The following PCDHGA2 variants were observed in gnomAD, a reference collection of about 807,000 sequenced individuals.
The protein encoded by PCDHGA2 is protocadherin gamma subfamily A, 2.
In PCDHGA2, 40 loss-of-function variants were observed where a neutral mutation model predicts 59.2. The ratio of observed to expected loss-of-function variants is 0.68; its 90% CI spans 0.52 to 0.88. The LOEUF (loss-of-function observed/expected upper bound fraction) is 0.88, where lower values mean the gene tolerates loss of function less well. Ranked by LOEUF, PCDHGA2 falls within the 40% of genes least tolerant of loss-of-function variation. The pLI is 0.00. For synonymous variants in PCDHGA2, 560 were observed against 526.0 expected (o/e 1.06, Z -0.89); for missense variants, 1,226 against 1,204.0 (o/e 1.02, Z -0.27).
At chr5:141,492,189 G>C (rs2099737936) in intron 1 of PCDHGA2, among the ~76,000 whole-genome samples, 1 of 152,204 alleles carries the variant, frequency 6.6e-6, no homozygotes, top group Non-Finnish European at 1.5e-5. Context: ...GCACCTGTCT[G>C]CGGGACTTAG....
In PCDHGA2 at chr5:141,490,275, C is replaced by A; in HGVS notation, c.2425-4532C>A. 6.2e-7 allele frequency: 1 copy of A among 1,614,238 alleles called. No individual in the cohort carries two copies. The highest frequency in any genetic ancestry group is 8.5e-7 in the Non-Finnish European group (1 of 1,180,044). On this transcript the variant is annotated intron_variant, in intron 1 of 3. Transcript: ENST00000394576. The surrounding 1 kb of genome is among the most constrained non-coding windows in gnomAD (Gnocchi z 5.4). Reference sequence around the variant, plus strand: ...AAGTGGATGTGGGGGATGTCAATGACAATGCCCCAGAGGTGCTATTGGCCT... The same window carrying A: ...AAGTGGATGTGGGGGATGTCAATGAAAATGCCCCAGAGGTGCTATTGGCCT...
At chr5:141,506,668 C>A (rs2099855518) in intron 3 of PCDHGA2, among the ~76,000 whole-genome samples, 1 of 152,100 alleles carries the variant, frequency 6.6e-6, no homozygotes, top group Admixed American at 6.6e-5. Context: ...AGTAAGGGCA[C>A]AATATATTAT....
intron 1 of PCDHGA2, chr5:141,423,675 T>C: frequency 1.3e-6 from 2 of 1,540,488 alleles, no homozygotes; most frequent in Non-Finnish European, 1.7e-6. Flanking sequence ...GATTTATTTC[T>C]CTGCCTCCTA....
In PCDHGA2 at chr5:141,489,129, T is replaced by G; in HGVS notation, c.2425-5678T>G. On this transcript the variant is annotated intron_variant, in intron 1 of 3. Coordinates refer to ENST00000394576, the MANE Select transcript of PCDHGA2 (RefSeq NM_018915.4). This position sits in a 1 kb window ranked among gnomAD's most constrained non-coding sequence, Gnocchi z 4.5. ...AAGCAGGCAAACCTCCGAGCAGTTT[T>G]TAAGAGGCTGGAAGGAGACATAAGA... 1 of 761,976 alleles carries G rather than the reference T, an allele frequency of 1.3e-6. No homozygotes were observed. The highest frequency in any genetic ancestry group is 2.0e-6 in the Non-Finnish European group (1 of 490,014). The allele number at this position is 761,976 out of a possible 1,614,324, so 47.2% of individuals were successfully genotyped here.
rs545232987 is a variant in PCDHGA2 at position 141,484,750 on chromosome 5, G to GTA, written c.2425-10043_2425-10042dup. 2.3e-3 allele frequency among the ~76,000 whole-genome samples: 340 copies of GTA among 149,860 alleles called. 1 individual carries two copies. Among genetic ancestry groups the GTA allele is most frequent in the South Asian group, 1.0e-2 (47 of 4,704 alleles). On this transcript the variant is annotated intron_variant, in intron 1 of 3. Coordinates refer to ENST00000394576, the MANE Select transcript of PCDHGA2 (RefSeq NM_018915.4). ...CAGTCGGTGTGTTAGGAAAAAAAAT[G>GTA]TATATATATATATATGTTGTCTGCC...
intron 1 of PCDHGA2, chr5:141,387,869 G>A (rs772536133): frequency 6.3e-7 from 1 of 1,590,306 alleles, no homozygotes; most frequent in Non-Finnish European, 8.5e-7. Context: ...TGAGCAAGCT[G>A]AGGAGAGCAA....
chr5:141,487,068 T>C lies in PCDHGA2; in HGVS notation c.2425-7739T>C. ...TATGCTGGGGAGGTGCGGACGGCTG[T>C]TCCTATCCCAGCTGACCTCCCACCA... On this transcript the variant is annotated intron_variant, in intron 1 of 3. Transcript: ENST00000394576. The surrounding 1 kb of genome is among the most constrained non-coding windows in gnomAD (Gnocchi z 5.0). The C allele has an allele frequency of 6.2e-7, 1 of 1,614,166 alleles. No individual in the cohort carries two copies. The highest frequency in any genetic ancestry group is 8.5e-7 in the Non-Finnish European group (1 of 1,180,016).
intron 1 of PCDHGA2, chr5:141,366,887 A>T (rs1444897635): frequency 9.5e-6 from 12 of 1,269,488 alleles, no homozygotes; most frequent in Non-Finnish European, 1.3e-5. Flanking sequence ...AATTTTTTTT[A>T]TATAATTCAT....
Position 141,476,745 on chromosome 5 carries a change from T to C in PCDHGA2, c.2425-18062T>C, listed in dbSNP as rs1372622323. 6.2e-7 allele frequency: 1 copy of C among 1,613,958 alleles called. No individual in the cohort carries two copies. On this transcript the variant is annotated intron_variant, in intron 1 of 3. Coordinates refer to ENST00000394576, the MANE Select transcript of PCDHGA2 (RefSeq NM_018915.4). This position sits in a 1 kb window ranked among gnomAD's most constrained non-coding sequence, Gnocchi z 7.6. The stretch of plus-strand genomic sequence containing the variant: ...CTGGACCGAGAACGGGAGCCTAGTC[T>C]CCAGTTAGTGCTGACGGCGTTGGAC...
Position 141,415,739 on chromosome 5 carries a change from GGTTTT to G in PCDHGA2, c.2424+74345_2424+74349del, listed in dbSNP as rs2095909931. ...ATGAGTAGAATTTGATGTTTATTAA[GGTTTT>G]TTTTTTTTTTTTTTTTTTTTTTTTT... On this transcript the variant is annotated intron_variant, in intron 1 of 3. Transcript: ENST00000394576. 124 of 435,052 alleles carry G rather than the reference GGTTTT, an allele frequency of 2.9e-4. No homozygotes were observed. The African/African-American group carries it at 3.6e-3, about 13-fold the overall frequency. 26.9% of individuals were successfully genotyped at this position (435,052 alleles called of 1,614,324 possible).
At chr5:141,355,635 T>C in intron 1 of PCDHGA2, 1 of 1,613,928 alleles carries the variant, frequency 6.2e-7, no homozygotes, top group Non-Finnish European at 8.5e-7. Flanking sequence ...TTGCTGAAAA[T>C]GAAAATCCTG....
intron 1 of PCDHGA2, among the ~76,000 whole-genome samples, chr5:141,381,670 T>C (rs1383738220): frequency 6.6e-6 from 1 of 152,198 alleles, no homozygotes; most frequent in Non-Finnish European, 1.5e-5. Context: ...CTATAGCTGA[T>C]TGCTGCAGCC....
At chr5:141,397,960 A>C in intron 1 of PCDHGA2, 2 of 1,021,904 alleles carry the variant, frequency 2.0e-6, no homozygotes, top group East Asian at 2.6e-5. Context: ...GCCCCAGCTC[A>C]GACTCCCCAG....
In PCDHGA2 at chr5:141,489,307, T is replaced by A; in HGVS notation, c.2425-5500T>A. On this transcript the variant is annotated intron_variant, in intron 1 of 3. Transcript: ENST00000394576. The surrounding 1 kb of genome is among the most constrained non-coding windows in gnomAD (Gnocchi z 4.5). ...AGTGCTGTGCATGTTGTCCTTGTGCTGCTGGGGCTGGGTGTCTGGGCAGCT... is the reference window on the plus strand; with the variant it reads ...AGTGCTGTGCATGTTGTCCTTGTGCAGCTGGGGCTGGGTGTCTGGGCAGCT... The A allele has an allele frequency of 6.3e-7, 1 of 1,591,138 alleles. No individual in the cohort carries two copies. The highest frequency in any genetic ancestry group is 8.6e-7 in the Non-Finnish European group (1 of 1,168,222).
intron 1 of PCDHGA2, among the ~76,000 whole-genome samples, chr5:141,443,873 T>A (rs1250320938): frequency 6.6e-6 from 1 of 152,100 alleles, no homozygotes; most frequent in Non-Finnish European, 1.5e-5. Context: ...AAATTACTGA[T>A]AAGTCAAGAG....
chr5:141,380,805 G>A (rs1776753449), intron 1 of PCDHGA2, among the ~76,000 whole-genome samples: 1 of 152,204 alleles, frequency 6.6e-6, no homozygotes, highest in Non-Finnish European at 1.5e-5. Context: ...AAACAAATGT[G>A]AGATGAAACT....
chr5:141,496,932 T>G (rs1336402833), intron 2 of PCDHGA2, among the ~76,000 whole-genome samples: 1 of 148,964 alleles, frequency 6.7e-6, no homozygotes, highest in Non-Finnish European at 1.5e-5. Context: ...ACGCCTGTAA[T>G]CCCAGCACTT....
At position 141,489,749 on chromosome 5, in the gene PCDHGA2, AC is replaced by A; in HGVS notation, c.2425-5057del. ...GTGGGCACCAATACTGTGAGCTTTT[AC>A]ACTCTAAGCCCCAACAGCCACTTCT... is the stretch of plus-strand genomic sequence containing the variant. On this transcript the variant is annotated intron_variant, in intron 1 of 3. Transcript: ENST00000394576. The surrounding 1 kb of genome is among the most constrained non-coding windows in gnomAD (Gnocchi z 4.5). 6.2e-7 allele frequency: 1 copy of A among 1,614,126 alleles called. No individual in the cohort carries two copies. Among genetic ancestry groups the A allele is most frequent in the Non-Finnish European group, 8.5e-7 (1 of 1,180,002 alleles).
intron 1 of PCDHGA2, chr5:141,356,192 G>A: frequency 6.2e-7 from 1 of 1,610,042 alleles, no homozygotes; most frequent in Non-Finnish European, 8.5e-7. Context: ...CGAGCTAGAA[G>A]CAAGGTACTG....
Sources: gnomAD v4.1 joint callset for allele counts (sites outside exome capture counted in the v4.1 genomes callset) on GRCh38, gnomAD v4.1.1 for gene constraint, Gnocchi (gnomAD v3.1) non-coding constraint, MANE v1.5 for transcripts, NCBI Gene and HGNC (gene_info 2026-07-23, HGNC 2026-07-21) for gene names.